HK2: variants seen among roughly 807,000 people sequenced by gnomAD.
The protein encoded by HK2 is hexokinase 2.
In HK2, 42 loss-of-function variants were observed where a neutral mutation model predicts 92.9. That is an observed-to-expected ratio of 0.45 (90% confidence interval 0.35 to 0.58). The LOEUF is 0.58. HK2 is among the 20% of genes least tolerant of loss of function. The pLI is 0.00. For missense variants in HK2, 978 were observed against 1,245.1 expected, an observed-to-expected ratio of 0.79 and a Z score of 3.23; for synonymous variants, 422 against 468.0, an observed-to-expected ratio of 0.90 and a Z score of 1.27.
chr2:74,870,363 A>G (rs1689067535), intron 3 of HK2, among the ~76,000 whole-genome samples: 1 of 151,996 alleles, frequency 6.6e-6, no homozygotes, highest in Non-Finnish European at 1.5e-5. Context: ...TGGCTACTAT[A>G]TTGGGCAGGG....
At chr2:74,851,862 C>A (rs150450260) in intron 1 of HK2, among the ~76,000 whole-genome samples, 1 of 152,300 alleles carries the variant, frequency 6.6e-6, no homozygotes, top group African/African-American at 2.4e-5. Context: ...TGGGAGGTGA[C>A]TGGAATAGAA....
Position 74,889,279 on chromosome 2 carries a change from C to T in HK2, c.2410C>T (p.Leu804=), listed in dbSNP as rs759889135. The change falls in exon 17 of 18, where the codon CTG becomes TTG. Residue 804 remains leucine (L), a synonymous_variant. Transcript: ENST00000290573. ...CLALLQVRAI[L]QHLGLESTCD... ...GGCCCTGCTGCAAGTCCGAGCCATC[C>T]TGCAACACTTAGGGCTTGAGAGCAC... 2.1e-5 allele frequency: 34 copies of T among 1,614,210 alleles called. No individual in the cohort carries two copies. In the South Asian group the frequency reaches 3.4e-4, roughly 16 times the overall value.
chr2:74,878,877 C>T lies in HK2; in HGVS notation c.1221C>T (p.Arg407=), dbSNP rs1689310528. ...AGAACAAAGGCGAGGAGCGGCTGCG[C>T]TCTACTATTGGGGTCGACGGTTCCG... The part of the protein sequence containing the change: ...IKENKGEERL[R]STIGVDGSVY... Residue 407 remains arginine (R), a synonymous_variant, in exon 9 of 18, where the codon CGC becomes CGT. Transcript: ENST00000290573. 1 of 1,551,976 alleles carries T rather than the reference C, an allele frequency of 6.4e-7. No homozygotes were observed. Among genetic ancestry groups the T allele is most frequent in the African/African-American group, 1.4e-5 (1 of 73,222 alleles).
At chr2:74,853,057 A>G (rs1315005606) in intron 1 of HK2, among the ~76,000 whole-genome samples, 3 of 152,190 alleles carry the variant, frequency 2.0e-5, no homozygotes, top group Non-Finnish European at 4.4e-5. Context: ...GAGGATGAGA[A>G]GAGGCCTCTA....
At chr2:74,837,964 G>C (rs894549466) in intron 1 of HK2, among the ~76,000 whole-genome samples, 1 of 152,084 alleles carries the variant, frequency 6.6e-6, no homozygotes, top group Non-Finnish European at 1.5e-5. Context: ...GTGAGCCACC[G>C]CACGAGGCCT....
At chr2:74,843,084 T>C (rs1688353986) in intron 1 of HK2, among the ~76,000 whole-genome samples, 1 of 152,206 alleles carries the variant, frequency 6.6e-6, no homozygotes, top group African/African-American at 2.4e-5. Flanking sequence ...GGGAAATCAT[T>C]TGCAGTGCCC....
chr2:74,871,030 A>C (rs948074433), intron 3 of HK2, among the ~76,000 whole-genome samples: 2 of 152,006 alleles, frequency 1.3e-5, no homozygotes, highest in East Asian at 3.9e-4. Context: ...CCCTCTCCCA[A>C]CCTCTCAGTT....
intron 1 of HK2, among the ~76,000 whole-genome samples, chr2:74,851,247 G>A (rs949549611): frequency 3.9e-5 from 6 of 152,220 alleles, no homozygotes; most frequent in Non-Finnish European, 7.3e-5. Context: ...AGGTGCAGAA[G>A]TTTTACGAAG....
At chr2:74,874,709 G>T (rs1210260768) in intron 7 of HK2, among the ~76,000 whole-genome samples, 1 of 152,158 alleles carries the variant, frequency 6.6e-6, no homozygotes, top group Non-Finnish European at 1.5e-5. Flanking sequence ...AGTGTAAGTG[G>T]GTGGCCCTGC....
chr2:74,879,939 C>T (rs1291432326), intron 9 of HK2, among the ~76,000 whole-genome samples: 1 of 152,196 alleles, frequency 6.6e-6, no homozygotes, highest in Non-Finnish European at 1.5e-5. Context: ...GCTGATGGTA[C>T]CATGTTGGGC....
intron 3 of HK2, among the ~76,000 whole-genome samples, chr2:74,871,693 C>T (rs1340835848): frequency 6.6e-6 from 1 of 152,164 alleles, no homozygotes; most frequent in African/African-American, 2.4e-5. Flanking sequence ...AGTTAGAAAA[C>T]AAAGATAACT....
At chr2:74,865,410 G>A (rs997947894) in intron 2 of HK2, among the ~76,000 whole-genome samples, 3 of 152,080 alleles carry the variant, frequency 2.0e-5, no homozygotes, top group Non-Finnish European at 4.4e-5. Context: ...TCGCCACCTC[G>A]GTCCCCTGTG....
At position 74,867,761 on chromosome 2, in the gene HK2, A is replaced by G. The variant is rs1688993864; in HGVS notation, c.352A>G (p.Ile118Val). ...ENQIYAIPED[I>V]MRGSGTQLFD... ...TCAGATCTATGCCATCCCTGAGGAC[A>G]TCATGCGAGGCAGTGGCACCCAGGT... Residue 118 changes from isoleucine to valine, a missense_variant, in exon 3 of 18, where the codon ATC (isoleucine) becomes GTC (valine). This residue lies in a region of HK2 where 189 missense variants were observed against 289.5 expected (regional missense o/e 0.65). Coordinates refer to ENST00000290573, the MANE Select transcript of HK2 (RefSeq NM_000189.5). The G allele has an allele frequency of 6.2e-7, 1 of 1,614,076 alleles. No individual in the cohort carries two copies. The highest frequency in any genetic ancestry group is 1.7e-5 in the Admixed American group (1 of 60,006).
At position 74,834,586 on chromosome 2, in the gene HK2, T is replaced by C. The variant is rs746318444; in HGVS notation, c.6T>C (p.Ile2=). The change falls in exon 1 of 18, where the codon ATT becomes ATC. Residue 2 remains isoleucine (I), a synonymous_variant. Transcript: ENST00000290573. The surrounding 1 kb of genome is among the most constrained non-coding windows in gnomAD (Gnocchi z 4.2). ...CGCCGTCGGGCCGCGGCAGGATGATTGCCTCGCATCTGCTTGCCTACTTCT... is the reference window on the plus strand; with the variant it reads ...CGCCGTCGGGCCGCGGCAGGATGATCGCCTCGCATCTGCTTGCCTACTTCT... The part of the protein sequence containing the change: M[I]ASHLLAYFFT... 1.2e-6 allele frequency: 2 copies of C among 1,613,796 alleles called. No individual in the cohort carries two copies. The highest frequency in any genetic ancestry group is 1.7e-6 in the Non-Finnish European group (2 of 1,179,832).
intron 12 of HK2, among the ~76,000 whole-genome samples, chr2:74,885,094 G>T (rs939802773): frequency 6.6e-6 from 1 of 152,204 alleles, no homozygotes; most frequent in African/African-American, 2.4e-5. Context: ...TGCACAGCAG[G>T]GTCAGCTGCG....
chr2:74,835,596 G>C (rs956590762), intron 1 of HK2, among the ~76,000 whole-genome samples: 2 of 152,148 alleles, frequency 1.3e-5, no homozygotes, highest in East Asian at 1.9e-4. Context: ...TCCCCGCCTC[G>C]GGGTATGGGG....
Position 74,834,310 on chromosome 2 carries a change from A to G in HK2, c.-271A>G. On this transcript the variant is annotated 5_prime_UTR_variant, in exon 1 of 18. Transcript: ENST00000290573. The surrounding 1 kb of genome is among the most constrained non-coding windows in gnomAD (Gnocchi z 4.2). The stretch of plus-strand genomic sequence containing the variant: ...CCTCAGTGATCCTGTGGCCGAAGTT[A>G]GCGCCTTGACGTGGGACAACCGGAC... 3.7e-6 allele frequency: 2 copies of G among 539,798 alleles called. No homozygotes were observed. The highest frequency in any genetic ancestry group is 6.7e-6 in the Non-Finnish European group (2 of 297,958). 33.4% of individuals were successfully genotyped at this position (539,798 alleles called of 1,614,324 possible).
chr2:74,862,339 T>A (rs1262273413), intron 2 of HK2, among the ~76,000 whole-genome samples: 1 of 152,244 alleles, frequency 6.6e-6, no homozygotes, highest in Non-Finnish European at 1.5e-5. Flanking sequence ...GTGTGGATTC[T>A]TCTCTTACTA....
intron 2 of HK2, among the ~76,000 whole-genome samples, chr2:74,855,085 C>T (rs71418754): frequency 6.6e-6 from 1 of 152,338 alleles, no homozygotes; most frequent in Middle Eastern, 3.4e-3. Context: ...CAACCTCCGC[C>T]TCCTGGGTTC....
Sources: gnomAD v4.1 joint callset for allele counts (sites outside exome capture counted in the v4.1 genomes callset) on GRCh38, gnomAD v4.1.1 for gene constraint, gnomAD v4.1.1 regional missense constraint, Gnocchi (gnomAD v3.1) non-coding constraint, MANE v1.5 for transcripts, NCBI Gene and HGNC (gene_info 2026-07-23, HGNC 2026-07-21) for gene names.